The following KCNH8 variants were observed in gnomAD, a reference collection of about 807,000 sequenced individuals.
The protein encoded by KCNH8 is potassium voltage-gated channel subfamily H member 8.
A neutral mutation model predicts 103.6 loss-of-function variants in KCNH8; 70 were observed. The ratio of observed to expected loss-of-function variants is 0.68; its 90% CI spans 0.56 to 0.82. The LOEUF (loss-of-function observed/expected upper bound fraction) is 0.82, where lower values mean the gene tolerates loss of function less well. KCNH8 is among the 40% of genes least tolerant of loss of function. The pLI, the probability that KCNH8 is intolerant of heterozygous loss-of-function variation, is 0.00. For synonymous variants in KCNH8, 498 were observed against 489.4 expected, an observed-to-expected ratio of 1.02 and a Z score of -0.23; for missense variants, 1,217 against 1,329.9, an observed-to-expected ratio of 0.92 and a Z score of 1.32.
At chr3:19,266,233 C>T (rs1204885595) in intron 2 of KCNH8, among the ~76,000 whole-genome samples, 1 of 152,128 alleles carries the variant, frequency 6.6e-6, no homozygotes, top group Non-Finnish European at 1.5e-5. Flanking sequence ...TCATCCTTCC[C>T]TGTTTCTGTC....
intron 11 of KCNH8, among the ~76,000 whole-genome samples, chr3:19,505,051 T>C (rs1007913703): frequency 6.7e-6 from 1 of 150,086 alleles, no homozygotes; most frequent in Non-Finnish European, 1.5e-5. Flanking sequence ...ACTATATATA[T>C]ACACACACAA....
rs1301165081 is a variant in KCNH8, at chr3:19,513,309, C to G, written c.2419C>G (p.Pro807Ala). Residue 807 changes from proline (P) to alanine (A), a missense_variant, in exon 13 of 16, where the codon CCA (proline) becomes GCA (alanine). By Grantham distance (27) the Pro-to-Ala change is conservative. Transcript: ENST00000328405. ...QLSTLNNAGP[P>A]DLSPRIVDGI... ...TTCAACTTTGAATAATGCTGGACCC[C>G]CAGACCTCAGTCCAAGGTAAGAGTT... 61 of 1,598,268 alleles carry G rather than the reference C, an allele frequency of 3.8e-5. No individual in the cohort carries two copies. In the Admixed American group the frequency reaches 1.1e-3, roughly 28 times the overall value.
At chr3:19,290,550 T>TGCGTATTATATGCTGG (rs2064904610) in intron 3 of KCNH8, among the ~76,000 whole-genome samples, 1 of 152,238 alleles carries the variant, frequency 6.6e-6, no homozygotes, top group African/African-American at 2.4e-5. Flanking sequence ...GGATTACATT[T>TGCGTATTATATGCTGG]ATTGATTTGC....
chr3:19,229,216 A>G (rs927511056), intron 1 of KCNH8, among the ~76,000 whole-genome samples: 1 of 152,202 alleles, frequency 6.6e-6, no homozygotes, highest in Non-Finnish European at 1.5e-5. Flanking sequence ...CATATCTCAC[A>G]AAATAGTTGA....
chr3:19,441,469 T>C (rs1487708947), intron 8 of KCNH8, among the ~76,000 whole-genome samples: 2 of 152,232 alleles, frequency 1.3e-5, no homozygotes, highest in African/African-American at 4.8e-5. Context: ...ATTATCCACA[T>C]TTTTCAGATG....
intron 1 of KCNH8, among the ~76,000 whole-genome samples, chr3:19,152,892 T>A (rs1285989215): frequency 6.6e-6 from 1 of 151,874 alleles, no homozygotes; most frequent in Non-Finnish European, 1.5e-5. Context: ...GCTGAGATCA[T>A]GCCCCTGCAC....
At chr3:19,421,705 T>C (rs998005123) in intron 7 of KCNH8, among the ~76,000 whole-genome samples, 1 of 152,072 alleles carries the variant, frequency 6.6e-6, no homozygotes, top group Non-Finnish European at 1.5e-5. Flanking sequence ...TGAGCTCATT[T>C]CCATCAAGAA....
intron 1 of KCNH8, among the ~76,000 whole-genome samples, chr3:19,217,059 C>G (rs937758838): frequency 1.3e-5 from 2 of 152,136 alleles, no homozygotes; most frequent in African/African-American, 4.8e-5. Flanking sequence ...AGATGCACCT[C>G]GTGAGGTTAT....
chr3:19,420,282 G>A (rs1007112429), intron 7 of KCNH8, among the ~76,000 whole-genome samples: 1 of 152,040 alleles, frequency 6.6e-6, no homozygotes, highest in African/African-American at 2.4e-5. Flanking sequence ...TTTTGTTCCC[G>A]ATAAACTTTA....
intron 5 of KCNH8, among the ~76,000 whole-genome samples, chr3:19,361,075 G>C (rs149561834): frequency 1.3e-5 from 2 of 152,070 alleles, no homozygotes; most frequent in Admixed American, 6.6e-5. Flanking sequence ...TGGCAAATTT[G>C]TTGGCCCTTA....
chr3:19,393,183 G>T (rs76535441), intron 6 of KCNH8, among the ~76,000 whole-genome samples: 3,283 of 152,058 alleles, frequency 0.022, 55 homozygotes, highest in Middle Eastern at 0.041. Flanking sequence ...CATCCAAAGA[G>T]TCAAAAGAAT....
chr3:19,521,661 TAA>T (rs1423421009), intron 15 of KCNH8, among the ~76,000 whole-genome samples: 1 of 151,996 alleles, frequency 6.6e-6, no homozygotes, highest in East Asian at 1.9e-4. Flanking sequence ...TATTTTCACC[TAA>T]GAGACTTTTT....
At chr3:19,263,144 A>G (rs1334810845) in intron 2 of KCNH8, among the ~76,000 whole-genome samples, 2 of 152,038 alleles carry the variant, frequency 1.3e-5, no homozygotes, top group African/African-American at 4.8e-5. Flanking sequence ...CAAGAGGACT[A>G]GATTATAGGG....
intron 1 of KCNH8, among the ~76,000 whole-genome samples, chr3:19,234,252 G>C (rs2064032332): frequency 1.3e-5 from 2 of 152,304 alleles, no homozygotes; most frequent in South Asian, 4.1e-4. Context: ...GGCTGCAGGT[G>C]GAGCTGCCTG....
At chr3:19,342,535 T>C in intron 3 of KCNH8, 52 bp from the exon 4 acceptor site, 1 of 1,560,016 alleles carries the variant, frequency 6.4e-7, no homozygotes, top group Non-Finnish European at 8.7e-7. Context: ...ATGACATTCT[T>C]GAGGTGAAAT....
chr3:19,325,183 A>G (rs1383094236), intron 3 of KCNH8, among the ~76,000 whole-genome samples: 1 of 152,188 alleles, frequency 6.6e-6, no homozygotes. Flanking sequence ...TCCTTACACC[A>G]TATTAAAAAA....
chr3:19,323,641 G>C (rs1275667681), intron 3 of KCNH8, among the ~76,000 whole-genome samples: 2 of 152,108 alleles, frequency 1.3e-5, no homozygotes, highest in Non-Finnish European at 2.9e-5. Context: ...CTATGTCACA[G>C]GGAAGATCTG....
chr3:19,211,873 A>G (rs1235806453), intron 1 of KCNH8, among the ~76,000 whole-genome samples: 1 of 152,228 alleles, frequency 6.6e-6, no homozygotes, highest in Non-Finnish European at 1.5e-5. Context: ...AAGGAAAAGT[A>G]GAGACAAATA....
At chr3:19,174,196 A>C (rs1324656756) in intron 1 of KCNH8, among the ~76,000 whole-genome samples, 3 of 151,996 alleles carry the variant, frequency 2.0e-5, no homozygotes, top group Non-Finnish European at 4.4e-5. Flanking sequence ...TATCTACAGA[A>C]ATGGATTTCT....
Sources: allele counts gnomAD v4.1 joint callset (sites outside exome capture counted in the v4.1 genomes callset), GRCh38; gene constraint gnomAD v4.1.1; transcripts MANE v1.5; gene names NCBI Gene and HGNC (gene_info 2026-07-23, HGNC 2026-07-21).